The following WDR72 variants were observed in gnomAD, a reference collection of about 807,000 sequenced individuals.
WDR72 encodes WD repeat-containing protein 72.
WDR72 carries 120 observed loss-of-function variants against 124.2 expected under a neutral mutation model. The ratio of observed to expected loss-of-function variants is 0.97; its 90% CI spans 0.83 to 1.12. The LOEUF is 1.12. WDR72 is among the 50% of genes most tolerant of loss of function. The pLI is 0.00. For missense variants in WDR72, 1,387 were observed against 1,278.8 expected (o/e 1.08, Z -1.29); for synonymous variants, 452 against 441.7 (o/e 1.02, Z -0.29).
intron 13 of WDR72, among the ~76,000 whole-genome samples, chr15:53,673,793 C>A (rs2016073232): frequency 6.6e-6 from 1 of 152,030 alleles, no homozygotes; most frequent in Non-Finnish European, 1.5e-5. Context: ...AGTTCAAGAC[C>A]AGCCTGACCA....
At chr15:53,713,967 C>T (rs2017628960) in intron 6 of WDR72, among the ~76,000 whole-genome samples, 1 of 152,144 alleles carries the variant, frequency 6.6e-6, no homozygotes, top group South Asian at 2.1e-4. Flanking sequence ...TTGTCATCAA[C>T]ACACATAGTA....
chr15:53,550,879 G>C (rs1020798713), intron 18 of WDR72, among the ~76,000 whole-genome samples: 1 of 152,098 alleles, frequency 6.6e-6, no homozygotes, highest in African/African-American at 2.4e-5. Flanking sequence ...CTTAGAATCT[G>C]ACTAGGAGAC....
At chr15:53,567,934 TTCC>T (rs1894361098) in intron 18 of WDR72, among the ~76,000 whole-genome samples, 1 of 150,986 alleles carries the variant, frequency 6.6e-6, no homozygotes, top group Non-Finnish European at 1.5e-5. Flanking sequence ...AAATTCAATA[TTCC>T]TCCATTTCAT....
At chr15:53,535,822 C>T (rs1892733464) in intron 18 of WDR72, among the ~76,000 whole-genome samples, 1 of 152,254 alleles carries the variant, frequency 6.6e-6, no homozygotes, top group Admixed American at 6.5e-5. Flanking sequence ...CCACCTATGG[C>T]ACAAGATCCT....
intron 13 of WDR72, among the ~76,000 whole-genome samples, chr15:53,691,194 C>T (rs2016827582): frequency 6.6e-6 from 1 of 152,116 alleles, no homozygotes; most frequent in Non-Finnish European, 1.5e-5. Flanking sequence ...GGACTACTGG[C>T]ACGTACCACT....
At chr15:53,714,966 C>A (rs1463915188) in intron 5 of WDR72, among the ~76,000 whole-genome samples, 2 of 152,158 alleles carry the variant, frequency 1.3e-5, no homozygotes, top group Non-Finnish European at 2.9e-5. Flanking sequence ...ACAAATTCTC[C>A]TCTTTCCCCC....
At chr15:53,604,656 A>T (rs1303915594) in intron 17 of WDR72, among the ~76,000 whole-genome samples, 1 of 152,112 alleles carries the variant, frequency 6.6e-6, no homozygotes, top group Admixed American at 6.5e-5. Context: ...CTATTAAAAC[A>T]TGGGCAAAGG....
intron 18 of WDR72, among the ~76,000 whole-genome samples, chr15:53,531,883 T>C (rs1444500070): frequency 6.6e-6 from 1 of 152,044 alleles, no homozygotes; most frequent in Non-Finnish European, 1.5e-5. Context: ...GAAAAATGCA[T>C]GGTAAATCTC....
chr15:53,594,284 A>G (rs1352805099), intron 18 of WDR72, among the ~76,000 whole-genome samples: 2 of 149,318 alleles, frequency 1.3e-5, no homozygotes, highest in Non-Finnish European at 3.0e-5. Context: ...AATAATACGT[A>G]CCACCAAGAA....
intron 18 of WDR72, among the ~76,000 whole-genome samples, chr15:53,565,670 A>G (rs1271910413): frequency 6.6e-6 from 1 of 151,952 alleles, no homozygotes; most frequent in Non-Finnish European, 1.5e-5. Flanking sequence ...ATGCTGATGG[A>G]CAATTAAGTT....
intron 13 of WDR72, among the ~76,000 whole-genome samples, chr15:53,698,934 A>G (rs907904109): frequency 4.6e-5 from 7 of 152,328 alleles, no homozygotes; most frequent in Middle Eastern, 6.8e-3. Context: ...CACCCTCTAA[A>G]CACTAGTACA....
intron 18 of WDR72, among the ~76,000 whole-genome samples, chr15:53,582,109 G>A (rs977850285): frequency 1.3e-5 from 2 of 151,894 alleles, no homozygotes; most frequent in African/African-American, 4.8e-5. Flanking sequence ...TAAGTGCTTT[G>A]TACCATTAGT....
intron 18 of WDR72, among the ~76,000 whole-genome samples, chr15:53,551,714 G>C (rs117458222): frequency 0.022 from 3,311 of 152,250 alleles, 51 homozygotes; most frequent in Non-Finnish European, 0.031. Context: ...AGATGGTCTA[G>C]ATAAAGAAAG....
chr15:53,529,454 C>G (rs1892328535), intron 18 of WDR72, among the ~76,000 whole-genome samples: 1 of 151,856 alleles, frequency 6.6e-6, no homozygotes, highest in Non-Finnish European at 1.5e-5. Context: ...GAATCCAAGA[C>G]CAACCAACTA....
chr15:53,588,954 T>C (rs964541094), intron 18 of WDR72, among the ~76,000 whole-genome samples: 2 of 151,726 alleles, frequency 1.3e-5, no homozygotes, highest in African/African-American at 2.4e-5. Context: ...CAGAAGTCCA[T>C]AGGGAGGTGA....
At chr15:53,622,997 T>C (rs1320006509) in intron 14 of WDR72, among the ~76,000 whole-genome samples, 1 of 152,128 alleles carries the variant, frequency 6.6e-6, no homozygotes, top group Non-Finnish European at 1.5e-5. Flanking sequence ...TAAATTAATT[T>C]GTAAAATACT....
intron 18 of WDR72, among the ~76,000 whole-genome samples, chr15:53,543,360 A>G (rs1189395068): frequency 6.6e-6 from 1 of 152,170 alleles, no homozygotes; most frequent in Non-Finnish European, 1.5e-5. Flanking sequence ...CCGCTCAACT[A>G]CATGGAAACT....
chr15:53,690,562 TTC>T (rs1487573250), intron 13 of WDR72, among the ~76,000 whole-genome samples: 4 of 152,186 alleles, frequency 2.6e-5, no homozygotes, highest in African/African-American at 4.8e-5. Flanking sequence ...TATGTCTGAC[TTC>T]TTTCACTTAG....
chr15:53,719,417 T>C (rs2017809613), intron 3 of WDR72, among the ~76,000 whole-genome samples: 1 of 152,156 alleles, frequency 6.6e-6, no homozygotes, highest in South Asian at 2.1e-4. Flanking sequence ...TGGCTTCAGG[T>C]ACTGTTATTA....
Sources: gnomAD v4.1 joint callset for allele counts (sites outside exome capture counted in the v4.1 genomes callset) on GRCh38, gnomAD v4.1.1 for gene constraint, MANE v1.5 for transcripts, NCBI Gene and HGNC (gene_info 2026-07-23, HGNC 2026-07-21) for gene names.